Variants in LGALS2 observed in about 807,000 individuals in gnomAD.
The protein encoded by LGALS2 is galectin 2, also known as galectin-2.
LGALS2 carries 7 observed loss-of-function variants against 10.1 expected under a neutral mutation model. That is an observed-to-expected ratio of 0.70 (90% CI 0.40 to 1.31). The LOEUF is 1.31. Ranked by LOEUF, LGALS2 falls within the 50% of genes most tolerant of loss-of-function variation. The probability of loss-of-function intolerance (pLI) is 0.01; values close to 1 mark genes in which losing one functional copy is unlikely to be tolerated. For missense variants in LGALS2, 167 were observed against 163.6 expected (o/e 1.02, Z -0.11); for synonymous variants, 86 against 64.2 (o/e 1.34, Z -1.63).
chr22:37,575,193 T>A (rs1925635352), intron 1 of LGALS2, among the ~76,000 whole-genome samples: 1 of 131,992 alleles, frequency 7.6e-6, no homozygotes, highest in Non-Finnish European at 1.7e-5. Context: ...GCATTTTTTT[T>A]CTTTTCTTTC....
intron 1 of LGALS2, among the ~76,000 whole-genome samples, chr22:37,576,444 T>C (rs1316165177): frequency 2.3e-5 from 2 of 88,146 alleles, no homozygotes; most frequent in Non-Finnish European, 2.1e-5. Context: ...AGAGCGAGAC[T>C]CCGTCTCAAA....
chr22:37,572,199 A>G (rs969338574), intron 1 of LGALS2, among the ~76,000 whole-genome samples: 2 of 152,220 alleles, frequency 1.3e-5, no homozygotes, highest in Non-Finnish European at 2.9e-5. Flanking sequence ...TTGCCCATCT[A>G]TGAAATGGGC....
intron 3 of LGALS2, 79 bp from the exon 4 acceptor site, chr22:37,570,491 C>T: frequency 6.2e-7 from 1 of 1,606,298 alleles, no homozygotes; most frequent in Non-Finnish European, 8.5e-7. Context: ...CAAACAAGGC[C>T]AGCACCTGTG....
At chr22:37,571,733 G>A (rs1925503291) in intron 2 of LGALS2, 116 bp downstream of exon 2, 4 of 771,034 alleles carry the variant, frequency 5.2e-6, no homozygotes, top group Non-Finnish European at 4.5e-6. Context: ...TGTGAAAAAG[G>A]GCCCATTGGC....
At chr22:37,570,475 A>C (rs1925459482) in intron 3 of LGALS2, 63 bp from the exon 4 acceptor site, 1 of 1,605,892 alleles carries the variant, frequency 6.2e-7, no homozygotes, top group Non-Finnish European at 8.5e-7. Flanking sequence ...GCAGTGCCTG[A>C]TGGCTCAAAC....
chr22:37,575,345 C>G (rs966972557), intron 1 of LGALS2, among the ~76,000 whole-genome samples: 2 of 151,704 alleles, frequency 1.3e-5, no homozygotes, highest in Non-Finnish European at 2.9e-5. Flanking sequence ...GTAGCTACGA[C>G]TATAGACGTG....
At chr22:37,577,313 C>T (rs2145823289) in intron 1 of LGALS2, among the ~76,000 whole-genome samples, 1 of 151,928 alleles carries the variant, frequency 6.6e-6, no homozygotes, top group South Asian at 2.1e-4. Flanking sequence ...AATAGCGTCC[C>T]CCGAAAATTC....
intron 1 of LGALS2, among the ~76,000 whole-genome samples, chr22:37,573,887 T>C (rs1006089376): frequency 6.6e-6 from 1 of 151,834 alleles, no homozygotes; most frequent in Non-Finnish European, 1.5e-5. Context: ...TGTACCACCA[T>C]GCCTAATTTT....
chr22:37,576,943 A>G (rs897598388), intron 1 of LGALS2, among the ~76,000 whole-genome samples: 2 of 139,778 alleles, frequency 1.4e-5, no homozygotes, highest in East Asian at 4.5e-4. Context: ...TCAAAGGCGC[A>G]GAGAGAGACA....
In LGALS2 at chr22:37,570,804, C is replaced by A. The variant is rs1925476071; in HGVS notation, c.90-69G>T. 4 of 1,539,816 alleles carry A rather than the reference C, an allele frequency of 2.6e-6. No individual in the cohort carries two copies. In the Admixed American group the frequency reaches 5.0e-5, roughly 19 times the overall value. On this transcript the variant is annotated intron_variant, in intron 2 of 3. Coordinates refer to ENST00000215886, the MANE Select transcript of LGALS2 (RefSeq NM_006498.3). ...GGATAAAGCAGCTTGGGTTGGAGGA[C>A]CTTGGTTGACCACAAGCTGGAAGAA...
chr22:37,579,267 GAA>G (rs1925779752), intron 1 of LGALS2, among the ~76,000 whole-genome samples: 1 of 73,144 alleles, frequency 1.4e-5, no homozygotes, highest in Non-Finnish European at 2.8e-5. Flanking sequence ...AAAAAAAAGA[GAA>G]AGAAAAGAAA....
chr22:37,570,387 T>A lies in LGALS2; in HGVS notation c.275A>T (p.Lys92Ile). 3 of 1,613,836 alleles carry A rather than the reference T, an allele frequency of 1.9e-6. No individual in the cohort carries two copies. Among genetic ancestry groups the A allele is most frequent in the Non-Finnish European group, 2.5e-6 (3 of 1,179,962 alleles). Residue 92 changes from lysine (K) to isoleucine (I), a missense_variant, in exon 4 of 4, where the codon AAA (lysine) becomes ATA (isoleucine). Physicochemically the swap from Lys to Ile is moderately radical, Grantham distance 102. Coordinates refer to ENST00000215886, the MANE Select transcript of LGALS2 (RefSeq NM_006498.3). The part of the protein sequence containing the change: ...VKFTVTFESD[K>I]FKVKLPDGHE... ...CCCATCTGGCAGCTTCACCTTGAAT[T>A]TGTCACTCTCAAAGGTCACTGTGAA...
chr22:37,578,478 G>A (rs1925751832), intron 1 of LGALS2, among the ~76,000 whole-genome samples: 1 of 152,166 alleles, frequency 6.6e-6, no homozygotes, highest in African/African-American at 2.4e-5. Context: ...AGCAGAAAAG[G>A]TCTCACTATA....
Position 37,580,027 on chromosome 22 carries a change from G to C in LGALS2, c.-122C>G. 2 of 1,008,684 alleles carry C rather than the reference G, an allele frequency of 2.0e-6. No homozygotes were observed. Among genetic ancestry groups the C allele is most frequent in the Non-Finnish European group, 1.5e-6 (1 of 685,926 alleles). 62.5% of individuals were successfully genotyped at this position (1,008,684 alleles called of 1,614,324 possible). On this transcript the variant is annotated 5_prime_UTR_variant, in exon 1 of 4. Coordinates refer to ENST00000215886, the MANE Select transcript of LGALS2 (RefSeq NM_006498.3). ...TAACTCCCTCAAGGTCCTAGGTGAG[G>C]ACTTTGCCCCTTCTACCTTGTGTCT...
In LGALS2 at chr22:37,570,724, T is replaced by G. The variant is rs762458987; in HGVS notation, c.101A>C (p.Asn34Thr). Residue 34 changes from asparagine (N) to threonine (T), a missense_variant, in exon 3 of 4, where the codon AAT becomes ACT. By Grantham distance (65) the Asn-to-Thr change is moderately conservative. Coordinates refer to ENST00000215886, the MANE Select transcript of LGALS2 (RefSeq NM_006498.3). ...IADGTDGFVI[N>T]LGQGTDKLNL... ...CAGCTTGTCTGTCCCCTGGCCCAGA[T>G]TAATTACAAAGCTGCAGGAGAAGGG... 1.2e-6 allele frequency: 2 copies of G among 1,614,086 alleles called. No homozygotes were observed. The highest frequency in any genetic ancestry group is 1.7e-6 in the Non-Finnish European group (2 of 1,180,044).
chr22:37,579,117 A>G (rs1387696151), intron 1 of LGALS2, among the ~76,000 whole-genome samples: 3 of 150,306 alleles, frequency 2.0e-5, no homozygotes, highest in Non-Finnish European at 3.0e-5. Context: ...GTGTGGTGAC[A>G]CATACCTGTA....
At position 37,570,326 on chromosome 22, in the gene LGALS2, G is replaced by C. The variant is rs547344252; in HGVS notation, c.336C>G (p.Ser112Arg). Residue 112 changes from serine (S) to arginine (R), a missense_variant, in exon 4 of 4, where the codon AGC becomes AGG. Ser to Arg is a moderately radical substitution (Grantham distance 110, BLOSUM62 -1). Transcript: ENST00000215886. ...CCCTTACGCTCAGGTAGCTCAGGTG[G>C]CTGTGACCCAGCCTGTTGGGAAAAG... is the stretch of plus-strand genomic sequence containing the variant. ...ELTFPNRLGH[S>R]HLSYLSVRGG... 1 of 1,614,066 alleles carries C rather than the reference G, an allele frequency of 6.2e-7. No individual in the cohort carries two copies. The highest frequency in any genetic ancestry group is 1.7e-4 in the Middle Eastern group (1 of 6,042).
At chr22:37,576,927 A>G (rs368215037) in intron 1 of LGALS2, among the ~76,000 whole-genome samples, 5 of 145,204 alleles carry the variant, frequency 3.4e-5, no homozygotes, top group Non-Finnish European at 1.5e-5. Flanking sequence ...TCCCCACCCA[A>G]CAGAGTCAAA....
intron 1 of LGALS2, among the ~76,000 whole-genome samples, chr22:37,579,415 G>A (rs971561231): frequency 2.0e-5 from 3 of 151,978 alleles, no homozygotes; most frequent in South Asian, 2.1e-4. Context: ...TCCACCTGGT[G>A]ACAGAGCAAG....
Sources: gnomAD v4.1 joint callset for allele counts (sites outside exome capture counted in the v4.1 genomes callset) on GRCh38, gnomAD v4.1.1 for gene constraint, MANE v1.5 for transcripts, NCBI Gene and HGNC (gene_info 2026-07-23, HGNC 2026-07-21) for gene names.